Variants in IL32 observed in about 807,000 individuals in gnomAD.
The protein encoded by IL32 is interleukin-32.
In IL32, 30 loss-of-function variants were observed where a neutral mutation model predicts 16.6. The ratio of observed to expected loss-of-function variants is 1.81; its 90% confidence interval spans 1.35 to 2.45. IL32 has a LOEUF of 2.45. Among genes scored for constraint, IL32 ranks in the 30% most tolerant of loss-of-function variants. The pLI, the probability that IL32 is intolerant of heterozygous loss-of-function variation, is 0.00. For missense variants in IL32, 234 were observed against 229.8 expected, an observed-to-expected ratio of 1.02 and a Z score of -0.12; for synonymous variants, 70 against 86.1, an observed-to-expected ratio of 0.81 and a Z score of 1.03.
In IL32 at chr16:3,068,168, T is replaced by C; in HGVS notation, c.142-12T>C. 2 of 1,604,084 alleles carry C rather than the reference T, an allele frequency of 1.2e-6. No individual in the cohort carries two copies. The highest frequency in any genetic ancestry group is 2.2e-5 in the South Asian group (2 of 89,728). On this transcript the variant is annotated splice_polypyrimidine_tract_variant and intron_variant, in intron 5 of 6. Coordinates refer to ENST00000525643, the MANE Select transcript of IL32 (RefSeq NM_001376923.1). ...GGAGCAGCATGAACCCCCTGTGCCC[T>C]CCTCTCCCCAGGACGACTTCAAAGA...
Position 3,069,296 on chromosome 16 carries a change from C to CGG in IL32, c.513_514dup (p.Asp172GlyfsTer6), listed in dbSNP as rs71818662. On this transcript the variant is annotated frameshift_variant, in exon 7 of 7. Transcript: ENST00000525643. LOFTEE classifies it high-confidence loss of function. ...CTCTTTCCAGTCCTACGGAGCCCCA[C>CGG]GGGGGGACAAGGAGGAGCTGACACC... 16 of 1,602,618 alleles carry CGG rather than the reference C, an allele frequency of 1.0e-5. No homozygotes were observed. Among genetic ancestry groups the CGG allele is most frequent in the African/African-American group, 4.2e-5 (3 of 72,230 alleles).
chr16:3,067,834 G>T, intron 4 of IL32, 150 bp from the exon 5 acceptor site: 1 of 974,912 alleles, frequency 1.0e-6, no homozygotes, highest in Non-Finnish European at 1.6e-6. Flanking sequence ...GCTCCTTGAG[G>T]AAACAACAGG....
At chr16:3,067,728 T>C in intron 4 of IL32, 115 bp downstream of exon 4, 3 of 929,680 alleles carry the variant, frequency 3.2e-6, no homozygotes, top group South Asian at 1.5e-5. Flanking sequence ...CCCTCACCCC[T>C]TACCGTGGGC....
At chr16:3,066,625 G>A (rs1365876174) in intron 2 of IL32, among the ~76,000 whole-genome samples, 2 of 152,186 alleles carry the variant, frequency 1.3e-5, no homozygotes, top group Admixed American at 6.5e-5. Flanking sequence ...CGTGTCTGCA[G>A]GCAGGAATGG....
intron 4 of IL32, 171 bp downstream of exon 4, chr16:3,067,784 G>A (rs1445112183): frequency 5.0e-6 from 4 of 797,870 alleles, no homozygotes; most frequent in Non-Finnish European, 8.2e-6. Flanking sequence ...TGGGGGATCT[G>A]GACGCCCGGG....
In IL32 at chr16:3,069,321, C is replaced by T; in HGVS notation, c.533C>T (p.Pro178Leu). ...APRGDKEELT[P>L]QKCSEPQSSK Reference sequence around the variant, plus strand: ...CGGGGGGACAAGGAGGAGCTGACACCCCAGAAGTGCTCTGAACCCCAATCC... The same window carrying T: ...CGGGGGGACAAGGAGGAGCTGACACTCCAGAAGTGCTCTGAACCCCAATCC... Residue 178 changes from proline (P) to leucine (L), a missense_variant, in exon 7 of 7, where the codon CCC (proline) becomes CTC (leucine). Pro to Leu is a moderately conservative substitution (Grantham distance 98). Transcript: ENST00000525643. 1.2e-6 allele frequency: 2 copies of T among 1,609,740 alleles called. No homozygotes were observed. Among genetic ancestry groups the T allele is most frequent in the Non-Finnish European group, 1.7e-6 (2 of 1,178,098 alleles).
intron 6 of IL32, 106 bp downstream of exon 6, chr16:3,068,345 G>A (rs577556127): frequency 4.8e-5 from 52 of 1,090,878 alleles, no homozygotes; most frequent in Middle Eastern, 2.3e-4. Context: ...TCGCTCTGTC[G>A]CCCAGGCTGG....
Position 3,067,432 on chromosome 16 carries a change from C to G in IL32, c.54+17C>G, listed in dbSNP as rs1490939230. The stretch of plus-strand genomic sequence containing the variant: ...GCCCGAATGGTAATGCTCCTCCCTA[C>G]TTCTGCTCAGGGGTTGGGGGCCTGG... On this transcript the variant is annotated intron_variant, in intron 3 of 6. Coordinates refer to ENST00000525643, the MANE Select transcript of IL32 (RefSeq NM_001376923.1). 1.0e-5 allele frequency: 16 copies of G among 1,604,980 alleles called. No individual in the cohort carries two copies. The highest frequency in any genetic ancestry group is 1.4e-5 in the Non-Finnish European group (16 of 1,175,152).
chr16:3,068,022 C>A lies in IL32; in HGVS notation c.141+12C>A, dbSNP rs1283346050. 6.2e-7 allele frequency: 1 copy of A among 1,613,806 alleles called. No homozygotes were observed. The highest frequency in any genetic ancestry group is 1.1e-5 in the South Asian group (1 of 91,064). On this transcript the variant is annotated intron_variant, in intron 5 of 6. Transcript: ENST00000525643. The stretch of plus-strand genomic sequence containing the variant: ...TGGCAGAGCTGGAGGTGAGCCGTGG[C>A]CTCCCCCTCCACCAAGCTTAGTCCC...
intron 6 of IL32, 73 bp downstream of exon 6, chr16:3,068,312 TTTTG>T (rs1956662677): frequency 2.2e-6 from 3 of 1,369,834 alleles, no homozygotes; most frequent in African/African-American, 1.4e-5. Flanking sequence ...CTTTCTTTCT[TTTTG>T]TTTATTTGAG....
At chr16:3,068,055 T>C (rs757982053) in intron 5 of IL32, 45 bp downstream of exon 5, 3 of 1,612,528 alleles carry the variant, frequency 1.9e-6, no homozygotes, top group Non-Finnish European at 2.5e-6. Context: ...CCCTGGGTCT[T>C]AGGCTCCACA....
chr16:3,065,624 A>T (rs1471276047), upstream of IL32: 1 of 709,880 alleles, frequency 1.4e-6, no homozygotes, highest in Non-Finnish European at 2.6e-6. Flanking sequence ...AAACCAGCTG[A>T]GTATTTGTGC....
intron 3 of IL32, 51 bp downstream of exon 3, chr16:3,067,466 G>A (rs369495267): frequency 1.3e-4 from 205 of 1,613,514 alleles, no homozygotes; most frequent in Admixed American, 1.5e-4. Flanking sequence ...GGGTCTCAGC[G>A]TGTGACACTG....
At chr16:3,068,395 T>A (rs1398749031) in intron 6 of IL32, 156 bp downstream of exon 6, 11 of 687,198 alleles carry the variant, frequency 1.6e-5, no homozygotes, top group Non-Finnish European at 2.2e-5. Context: ...AACCTCCAAA[T>A]CTCGGGTTTA....
In IL32 at chr16:3,067,271, C is replaced by CTCTCTGTGTGTGTGTG. The variant is rs1317427759; in HGVS notation, c.16-105_16-104insCTCTGTGTGTGTGTGT. On this transcript the variant is annotated intron_variant, in intron 2 of 6. Transcript: ENST00000525643. ...TATCCTGTACCTCTGCCATGTGTCT[C>CTCTCTGTGTGTGTGTG]TGTGTGTGTGTGTGTGTGTGTGTGT... is the stretch of plus-strand genomic sequence containing the variant. 85 of 603,658 alleles carry CTCTCTGTGTGTGTGTG rather than the reference C, an allele frequency of 1.4e-4. No homozygotes were observed. The African/African-American group carries it at 1.4e-3, about 10-fold the overall frequency. The allele number at this position is 603,658 out of a possible 1,614,324, so 37.4% of individuals were successfully genotyped here. A position where few individuals can be genotyped will look rare whatever the true frequency, so the allele number is the denominator to read the frequency against.
Position 3,067,570 on chromosome 16 carries a change from G to T in IL32, c.71G>T (p.Arg24Ile), listed in dbSNP as rs763334955. 7.4e-6 allele frequency: 12 copies of T among 1,613,882 alleles called. No individual in the cohort carries two copies. In the East Asian group the frequency reaches 2.2e-4, roughly 30 times the overall value. ...TCTTCACAGCACCAGGCCATAGAAA[G>T]ATTTTATGATAAAATGCAAAATGCA... ...LKARMHQAIERFYDKMQNAES... is the reference protein window; with the variant it reads ...LKARMHQAIEIFYDKMQNAES... The change falls in exon 4 of 7, where the codon AGA becomes ATA. Residue 24 changes from arginine to isoleucine, a missense_variant. Physicochemically the swap from Arg to Ile is moderately conservative, Grantham distance 97 (BLOSUM62 -3). This residue lies in a region of IL32 where 137 missense variants were observed against 80.7 expected (regional missense o/e 1.70). Transcript: ENST00000525643.
In IL32 at chr16:3,067,681, G is replaced by C. The variant is rs1283128144; in HGVS notation, c.114+68G>C. 5.8e-6 allele frequency: 7 copies of C among 1,217,064 alleles called. No individual in the cohort carries two copies. The East Asian group carries it at 1.6e-4, about 28-fold the overall frequency. 75.4% of individuals were successfully genotyped at this position (1,217,064 alleles called of 1,614,324 possible). On this transcript the variant is annotated intron_variant, in intron 4 of 6. Transcript: ENST00000525643. Reference sequence around the variant, plus strand: ...CCCCAGGCACTCCACCCTGTGTGGGGCTCAGGGTGAGAAGGATGAAGAGGG... The same window carrying C: ...CCCCAGGCACTCCACCCTGTGTGGGCCTCAGGGTGAGAAGGATGAAGAGGG...
At chr16:3,068,324 G>C (rs2151197459) in intron 6 of IL32, 85 bp downstream of exon 6, 2 of 1,295,792 alleles carry the variant, frequency 1.5e-6, no homozygotes, top group African/African-American at 1.5e-5. Context: ...TTGTTTATTT[G>C]AGACAGAGTC....
chr16:3,065,637 G>C, upstream of IL32: 1 of 735,254 alleles, frequency 1.4e-6, no homozygotes, highest in South Asian at 1.5e-5. Flanking sequence ...ATTTGTGCCA[G>C]GAAGACTGCG....
Sources: gnomAD v4.1 joint callset for allele counts (sites outside exome capture counted in the v4.1 genomes callset) on GRCh38, gnomAD v4.1.1 for gene constraint, gnomAD v4.1.1 regional missense constraint, MANE v1.5 for transcripts, NCBI Gene and HGNC (gene_info 2026-07-23, HGNC 2026-07-21) for gene names.